Variants in CNTN4 observed in about 807,000 individuals in gnomAD.
The protein encoded by CNTN4 is contactin 4.
Under a neutral mutation model 122.5 loss-of-function variants are expected in CNTN4, and 77 were observed. That is an observed-to-expected ratio of 0.63 (90% CI 0.52 to 0.76). The LOEUF is 0.76. Ranked by LOEUF, CNTN4 falls within the 30% of genes least tolerant of loss-of-function variation. CNTN4 has a pLI of 0.00. For synonymous variants in CNTN4, 512 were observed against 447.0 expected, an observed-to-expected ratio of 1.15 and a Z score of -1.83; for missense variants, 1,256 against 1,259.1, an observed-to-expected ratio of 1.00 and a Z score of 0.04.
chr3:2,416,830 A>G (rs1184268136), intron 3 of CNTN4, among the ~76,000 whole-genome samples: 1 of 151,666 alleles, frequency 6.6e-6, no homozygotes, highest in Non-Finnish European at 1.5e-5. Flanking sequence ...ATTTTTTTGT[A>G]TTTTTAGTAG....
chr3:2,631,887 AACAAC>A (rs1559327685), intron 4 of CNTN4, among the ~76,000 whole-genome samples: 11 of 133,474 alleles, frequency 8.2e-5, no homozygotes, highest in African/African-American at 4.0e-4. Context: ...AACAAAAAAA[AACAAC>A]AACTAAAAAA....
At chr3:2,416,334 A>G (rs1247110758) in intron 3 of CNTN4, among the ~76,000 whole-genome samples, 1 of 152,188 alleles carries the variant, frequency 6.6e-6, no homozygotes, top group Non-Finnish European at 1.5e-5. Flanking sequence ...TTCAAAATTT[A>G]CTTAATTTAT....
intron 2 of CNTN4, among the ~76,000 whole-genome samples, chr3:2,112,738 T>C (rs901162136): frequency 6.6e-6 from 1 of 152,204 alleles, no homozygotes; most frequent in Non-Finnish European, 1.5e-5. Context: ...ACACATACAA[T>C]GAGAATTTAC....
At chr3:3,037,393 G>C (rs1221222739) in intron 18 of CNTN4, 65 bp downstream of exon 18, 1 of 1,604,838 alleles carries the variant, frequency 6.2e-7, no homozygotes, top group Non-Finnish European at 8.5e-7. Context: ...AAAAGCGTTT[G>C]AATTCTTGCT....
intron 10 of CNTN4, among the ~76,000 whole-genome samples, chr3:2,896,460 C>G (rs892163486): frequency 2.0e-5 from 3 of 152,200 alleles, no homozygotes; most frequent in African/African-American, 7.2e-5. Context: ...ATTATCAGTG[C>G]TGAACAAACA....
chr3:2,120,838 A>G (rs983951147), intron 2 of CNTN4, among the ~76,000 whole-genome samples: 1 of 152,184 alleles, frequency 6.6e-6, no homozygotes, highest in African/African-American at 2.4e-5. Context: ...ATAATGAGTA[A>G]TATTAATTGA....
chr3:2,500,482 T>A (rs558671346), intron 3 of CNTN4, among the ~76,000 whole-genome samples: 1 of 152,280 alleles, frequency 6.6e-6, no homozygotes, highest in Non-Finnish European at 1.5e-5. Context: ...TTCCATTGTG[T>A]TCTTGCCCCT....
At chr3:2,265,109 A>G (rs184186552) in intron 2 of CNTN4, among the ~76,000 whole-genome samples, 1 of 152,064 alleles carries the variant, frequency 6.6e-6, no homozygotes, top group African/African-American at 2.4e-5. Context: ...AGAACATACC[A>G]TGTTTGGTTT....
intron 3 of CNTN4, among the ~76,000 whole-genome samples, chr3:2,397,695 A>C (rs1408464108): frequency 6.6e-6 from 1 of 152,170 alleles, no homozygotes; most frequent in Non-Finnish European, 1.5e-5. Flanking sequence ...AATTCTAACC[A>C]AGTAGAAATA....
At chr3:2,757,359 A>G (rs1460915986) in intron 6 of CNTN4, among the ~76,000 whole-genome samples, 2 of 152,090 alleles carry the variant, frequency 1.3e-5, no homozygotes, top group African/African-American at 4.8e-5. Flanking sequence ...GATGCGGAGT[A>G]GTTTGTTGGC....
chr3:2,392,984 G>A (rs538623590), intron 3 of CNTN4, among the ~76,000 whole-genome samples: 2 of 152,302 alleles, frequency 1.3e-5, no homozygotes, highest in South Asian at 2.1e-4. Context: ...CACAAACTGA[G>A]TGGCTTAAAC....
At chr3:2,542,551 T>G (rs2078075330) in intron 3 of CNTN4, among the ~76,000 whole-genome samples, 1 of 152,250 alleles carries the variant, frequency 6.6e-6, no homozygotes, top group South Asian at 2.1e-4. Flanking sequence ...TAGCAACCGC[T>G]GATATAGTAC....
intron 3 of CNTN4, among the ~76,000 whole-genome samples, chr3:2,508,887 T>G (rs963163291): frequency 6.6e-6 from 1 of 152,188 alleles, no homozygotes; most frequent in South Asian, 2.1e-4. Context: ...AGATTTAGAT[T>G]TTTATTATAA....
chr3:2,383,638 T>C (rs1372192681), intron 3 of CNTN4, among the ~76,000 whole-genome samples: 2 of 149,892 alleles, frequency 1.3e-5, no homozygotes, highest in African/African-American at 2.5e-5. Context: ...CCCCTCTCCC[T>C]CTCCGCCACT....
intron 4 of CNTN4, among the ~76,000 whole-genome samples, chr3:2,674,266 CG>C (rs531862952): frequency 4.3e-4 from 66 of 151,934 alleles, no homozygotes; most frequent in African/African-American, 9.2e-4. Flanking sequence ...TTCCTCATCA[CG>C]TTTTTTTTTA....
At chr3:2,771,790 C>T (rs1049930531) in intron 6 of CNTN4, among the ~76,000 whole-genome samples, 1 of 152,082 alleles carries the variant, frequency 6.6e-6, no homozygotes, top group Non-Finnish European at 1.5e-5. Context: ...GAAAAGACAG[C>T]AGTGTGCACA....
At chr3:2,492,150 G>A (rs749813127) in intron 3 of CNTN4, among the ~76,000 whole-genome samples, 5 of 152,110 alleles carry the variant, frequency 3.3e-5, no homozygotes, top group South Asian at 2.1e-4. Context: ...TGCCTCCTGC[G>A]TTTCTAGCAC....
chr3:2,708,321 C>T (rs2086865072), intron 4 of CNTN4, among the ~76,000 whole-genome samples: 1 of 151,900 alleles, frequency 6.6e-6, no homozygotes, highest in Non-Finnish European at 1.5e-5. Context: ...ATGGGGTTTC[C>T]AACAAAAAGT....
chr3:2,155,764 G>A (rs1056080439), intron 2 of CNTN4, among the ~76,000 whole-genome samples: 1 of 152,086 alleles, frequency 6.6e-6, no homozygotes, highest in Non-Finnish European at 1.5e-5. Context: ...GCTAGCTCTT[G>A]TCTGCACCAG....
Sources: gnomAD v4.1 joint callset for allele counts (sites outside exome capture counted in the v4.1 genomes callset) on GRCh38, gnomAD v4.1.1 for gene constraint, MANE v1.5 for transcripts, NCBI Gene and HGNC (gene_info 2026-07-23, HGNC 2026-07-21) for gene names.